Variants in SUCLG2 observed in about 807,000 individuals in gnomAD.
SUCLG2 encodes succinate--CoA ligase [GDP-forming] subunit beta, mitochondrial.
In SUCLG2, 42 loss-of-function variants were observed where a neutral mutation model predicts 47.9. The ratio of observed to expected loss-of-function variants is 0.88; its 90% CI spans 0.69 to 1.14. The LOEUF (loss-of-function observed/expected upper bound fraction) is 1.14, where lower values mean the gene tolerates loss of function less well. Ranked by LOEUF, SUCLG2 falls within the 50% of genes most tolerant of loss-of-function variation. SUCLG2 has a pLI of 0.00. For synonymous variants in SUCLG2, 195 were observed against 197.3 expected (o/e 0.99, Z 0.10); for missense variants, 571 against 525.9 (o/e 1.09, Z -0.84).
intron 9 of SUCLG2, among the ~76,000 whole-genome samples, chr3:67,440,432 A>G (rs929054571): frequency 1.3e-5 from 2 of 152,228 alleles, no homozygotes; most frequent in African/African-American, 4.8e-5. Flanking sequence ...AATTATCACA[A>G]GAGTGAACAG....
intron 6 of SUCLG2, among the ~76,000 whole-genome samples, chr3:67,512,559 G>T (rs1173923958): frequency 1.4e-5 from 2 of 148,036 alleles, no homozygotes; most frequent in African/African-American, 5.0e-5. Flanking sequence ...AATAACTTCT[G>T]GGTACACATA....
chr3:67,609,514 A>G lies in SUCLG2; in HGVS notation c.167T>C (p.Val56Ala). 2 of 1,613,744 alleles carry G rather than the reference A, an allele frequency of 1.2e-6. No individual in the cohort carries two copies. Among genetic ancestry groups the G allele is most frequent in the Non-Finnish European group, 1.7e-6 (2 of 1,179,892 alleles). ...KKLMSDNGVRVQRFFVADTAN... is the reference protein window; with the variant it reads ...KKLMSDNGVRAQRFFVADTAN... ...AGTGTCTGCTACAAAGAATCTTTGA[A>G]CTCTCACTCCGTTGTCAGACATCAG... is the stretch of plus-strand genomic sequence containing the variant. The change falls in exon 2 of 11, where the codon GTT (valine) becomes GCT (alanine). Residue 56 changes from valine to alanine, a missense_variant. By Grantham distance (64) the Val-to-Ala change is moderately conservative. Coordinates refer to ENST00000307227, the MANE Select transcript of SUCLG2 (RefSeq NM_003848.4).
At chr3:67,384,413 A>G (rs187562842) in intron 10 of SUCLG2, among the ~76,000 whole-genome samples, 426 of 152,350 alleles carry the variant, frequency 2.8e-3, no homozygotes, top group African/African-American at 9.6e-3. Flanking sequence ...GATTACTGTG[A>G]CACAGCCATG....
At chr3:67,605,512 C>A (rs1221841098) in intron 2 of SUCLG2, among the ~76,000 whole-genome samples, 1 of 152,170 alleles carries the variant, frequency 6.6e-6, no homozygotes, top group Non-Finnish European at 1.5e-5. Flanking sequence ...AAACTACTCA[C>A]TGAGTTCGGG....
At position 67,478,315 on chromosome 3, in the gene SUCLG2, G is replaced by T. The variant is rs9818109; in HGVS notation, c.1062+17483C>A. ...TATTTCCTCTAATAATGGATTAACT[G>T]CATCGTACAGACCAAACAAGCGAGG... On this transcript the variant is annotated intron_variant, in intron 9 of 10. Transcript: ENST00000307227. Among the ~76,000 whole-genome samples the T allele has an allele frequency of 8.6e-3, 1,309 of 152,202 alleles. 19 individuals carry two copies. Among genetic ancestry groups the T allele is most frequent in the African/African-American group, 0.03 (1,261 of 41,536 alleles).
intron 2 of SUCLG2, among the ~76,000 whole-genome samples, chr3:67,567,627 T>A (rs777506686): frequency 2.6e-5 from 4 of 152,164 alleles, no homozygotes. Flanking sequence ...ATCTGAAAAC[T>A]TTTTTGGCAA....
chr3:67,565,393 AGTT>A (rs755043704), intron 2 of SUCLG2, among the ~76,000 whole-genome samples: 5 of 152,220 alleles, frequency 3.3e-5, no homozygotes, highest in Non-Finnish European at 7.3e-5. Context: ...TGTGAAAAGT[AGTT>A]ATTTTATTAT....
At chr3:67,464,994 A>G (rs1193323638) in intron 9 of SUCLG2, among the ~76,000 whole-genome samples, 2 of 152,174 alleles carry the variant, frequency 1.3e-5, no homozygotes, top group Non-Finnish European at 2.9e-5. Context: ...CCTGAAATAC[A>G]TTACAGGGCA....
chr3:67,611,789 T>G (rs887938300), intron 1 of SUCLG2, among the ~76,000 whole-genome samples: 1 of 152,212 alleles, frequency 6.6e-6, no homozygotes, highest in Non-Finnish European at 1.5e-5. Context: ...TGCTGGAAAC[T>G]AATTGCAATT....
At chr3:67,586,649 T>C (rs1341094358) in intron 2 of SUCLG2, among the ~76,000 whole-genome samples, 2 of 152,252 alleles carry the variant, frequency 1.3e-5, no homozygotes, top group African/African-American at 4.8e-5. Flanking sequence ...TTATATGTTC[T>C]GTTGGATGAC....
At chr3:67,644,936 G>A (rs988435760) in intron 1 of SUCLG2, among the ~76,000 whole-genome samples, 1 of 151,976 alleles carries the variant, frequency 6.6e-6, no homozygotes, top group Non-Finnish European at 1.5e-5. Context: ...AAAATTCCAG[G>A]AAAAATATTC....
At chr3:67,380,304 A>T (rs1046435094) in intron 10 of SUCLG2, among the ~76,000 whole-genome samples, 3 of 151,864 alleles carry the variant, frequency 2.0e-5, no homozygotes, top group Admixed American at 2.0e-4. Context: ...ACTTCTCCCA[A>T]CCTGTAGCAG....
chr3:67,539,388 T>C (rs1224718258), intron 2 of SUCLG2, among the ~76,000 whole-genome samples: 1 of 152,204 alleles, frequency 6.6e-6, no homozygotes, highest in Admixed American at 6.5e-5. Context: ...TTGAACCAGC[T>C]TGGCATCCCA....
intron 1 of SUCLG2, among the ~76,000 whole-genome samples, chr3:67,627,723 C>T (rs1700859008): frequency 6.6e-6 from 1 of 152,292 alleles, no homozygotes; most frequent in South Asian, 2.1e-4. Context: ...AGCCCCTGGC[C>T]CCACAGCTCC....
intron 7 of SUCLG2, among the ~76,000 whole-genome samples, chr3:67,506,595 C>T (rs948843366): frequency 6.6e-6 from 1 of 152,162 alleles, no homozygotes; most frequent in African/African-American, 2.4e-5. Flanking sequence ...TTCCCTGAAG[C>T]GAGAACACAG....
chr3:67,602,032 T>G (rs1708431804), intron 2 of SUCLG2, among the ~76,000 whole-genome samples: 1 of 151,744 alleles, frequency 6.6e-6, no homozygotes, highest in Non-Finnish European at 1.5e-5. Context: ...AATACATAAC[T>G]GCATTAATGA....
chr3:67,429,715 C>A (rs1284671651), intron 9 of SUCLG2, among the ~76,000 whole-genome samples: 1 of 152,114 alleles, frequency 6.6e-6, no homozygotes. Context: ...ATCTCACGTG[C>A]AGGGACACAC....
chr3:67,627,700 G>C (rs1338894118), intron 1 of SUCLG2, among the ~76,000 whole-genome samples: 1 of 152,178 alleles, frequency 6.6e-6, no homozygotes, highest in African/African-American at 2.4e-5. Context: ...CCTTTCTAAT[G>C]TTTTGTCACC....
chr3:67,367,269 T>C (rs1221433860), intron 10 of SUCLG2, among the ~76,000 whole-genome samples: 3 of 152,190 alleles, frequency 2.0e-5, no homozygotes, highest in Admixed American at 6.5e-5. Flanking sequence ...GTATTTACCA[T>C]ATTTTTTTGC....
Sources: allele counts gnomAD v4.1 joint callset (sites outside exome capture counted in the v4.1 genomes callset), GRCh38; gene constraint gnomAD v4.1.1; transcripts MANE v1.5; gene names NCBI Gene and HGNC (gene_info 2026-07-23, HGNC 2026-07-21).